Variants in PKHD1 observed in about 807,000 individuals in gnomAD.
PKHD1 encodes PKHD1 ciliary IPT domain containing fibrocystin/polyductin, also known as fibrocystin.
PKHD1 carries 291 observed loss-of-function variants against 412.0 expected under a neutral mutation model. The ratio of observed to expected loss-of-function variants is 0.71; its 90% CI spans 0.64 to 0.78. The LOEUF is 0.78. Ranked by LOEUF, PKHD1 falls within the 30% of genes least tolerant of loss-of-function variation. The pLI is 0.00. For missense variants in PKHD1, 4,825 were observed against 4,950.7 expected, an observed-to-expected ratio of 0.97 and a Z score of 0.76; for synonymous variants, 1,777 against 1,821.5, an observed-to-expected ratio of 0.98 and a Z score of 0.62.
At chr6:51,805,178 C>T (rs1335273028) in intron 52 of PKHD1, among the ~76,000 whole-genome samples, 1 of 152,174 alleles carries the variant, frequency 6.6e-6, no homozygotes, top group South Asian at 2.1e-4. Flanking sequence ...TACACATATG[C>T]CATGGAACAC....
At chr6:52,005,832 T>C (rs1245054152) in intron 35 of PKHD1, among the ~76,000 whole-genome samples, 2 of 151,868 alleles carry the variant, frequency 1.3e-5, no homozygotes, top group Admixed American at 6.6e-5. Flanking sequence ...TAGGAAAACC[T>C]ACGTAACTTT....
chr6:52,043,698 A>G lies in PKHD1; in HGVS notation c.2748T>C (p.His916=), dbSNP rs763183549. ...VVVRVNDVPA[H]CPGSCSFQYL... ...ACTGGAAAGAGCAGGAACCTGGGCA[A>G]TGAGCTGGTACATCATTCACTCGCA... Residue 916 remains histidine (H), a synonymous_variant, in exon 26 of 67, where the codon CAT becomes CAC. Transcript: ENST00000371117. 6.2e-7 allele frequency: 1 copy of G among 1,613,592 alleles called. No individual in the cohort carries two copies. The highest frequency in any genetic ancestry group is 8.5e-7 in the Non-Finnish European group (1 of 1,179,570).
In PKHD1 at chr6:51,748,470, T is replaced by C. The variant is rs367678592; in HGVS notation, c.9146A>G (p.His3049Arg). Residue 3049 changes from histidine (H) to arginine (R), a missense_variant, in exon 58 of 67, where the codon CAT (histidine) becomes CGT (arginine). Physicochemically the swap from His to Arg is conservative, Grantham distance 29. Transcript: ENST00000371117. ...GGCCTGACCCTCTAAATCTATGCCA[T>C]GGCCAGCTGTGCCAAACACAATATT... ...NDNIVFGTAG[H>R]GIDLEGQAYT... is the part of the protein sequence containing the mutation. 19 of 1,614,022 alleles carry C rather than the reference T, an allele frequency of 1.2e-5. No individual in the cohort carries two copies. Among genetic ancestry groups the C allele is most frequent in the Non-Finnish European group, 1.5e-5 (18 of 1,179,944 alleles).
intron 39 of PKHD1, among the ~76,000 whole-genome samples, chr6:51,909,712 A>G (rs1042993972): frequency 2.6e-5 from 4 of 152,042 alleles, no homozygotes; most frequent in African/African-American, 9.7e-5. Flanking sequence ...CAAATCAATC[A>G]CCTTAATTAC....
At chr6:51,672,860 A>C (rs62461291) in intron 60 of PKHD1, among the ~76,000 whole-genome samples, 7,425 of 152,276 alleles carry the variant, frequency 0.049, 273 homozygotes, top group East Asian at 0.13. Flanking sequence ...TTATTCCTTG[A>C]AAGTATGGTA....
At chr6:52,007,747 G>A (rs2128110658) in intron 35 of PKHD1, among the ~76,000 whole-genome samples, 1 of 152,274 alleles carries the variant, frequency 6.6e-6, no homozygotes, top group Non-Finnish European at 1.5e-5. Context: ...ACCCTAACAA[G>A]AGTAGAATCT....
Position 52,046,008 on chromosome 6 carries a change from A to G in PKHD1, c.2588T>C (p.Ile863Thr). 1 of 1,611,902 alleles carries G rather than the reference A, an allele frequency of 6.2e-7. No homozygotes were observed. Among genetic ancestry groups the G allele is most frequent in the Non-Finnish European group, 8.5e-7 (1 of 1,178,058 alleles). Reference sequence around the variant, plus strand: ...TAGAAGGGATACTATACATACCCTGATAAAATTGGGCAAATCCCCAATCTG... The same window carrying G: ...TAGAAGGGATACTATACATACCCTGGTAAAATTGGGCAAATCCCCAATCTG... ...STQIGDLPNF[I>T]RVSDENLTGV... The change falls in exon 24 of 67, where the codon ATC (isoleucine) becomes ACC (threonine). Residue 863 changes from isoleucine (I) to threonine (T), a missense_variant. By Grantham distance (89) the Ile-to-Thr change is moderately conservative (BLOSUM62 -1). Transcript: ENST00000371117.
chr6:51,760,352 A>C (rs1582515350), intron 55 of PKHD1, among the ~76,000 whole-genome samples: 2 of 152,094 alleles, frequency 1.3e-5, no homozygotes, highest in East Asian at 3.9e-4. Context: ...ACAAAAATAT[A>C]TCTCTCCCCT....
chr6:51,834,540 T>C (rs141021751), intron 51 of PKHD1, among the ~76,000 whole-genome samples: 20 of 152,248 alleles, frequency 1.3e-4, no homozygotes, highest in Middle Eastern at 6.8e-3. Flanking sequence ...ATAGATGTGT[T>C]AACTCATTCA....
intron 60 of PKHD1, among the ~76,000 whole-genome samples, chr6:51,666,321 A>G (rs955515794): frequency 6.6e-6 from 1 of 152,188 alleles, no homozygotes; most frequent in African/African-American, 2.4e-5. Context: ...TATACTACCC[A>G]GCTTACCTCT....
chr6:52,024,681 G>A lies in PKHD1; in HGVS notation c.5129C>T (p.Pro1710Leu), dbSNP rs749294509. 4.9e-5 allele frequency: 79 copies of A among 1,614,034 alleles called. No homozygotes were observed. The highest frequency in any genetic ancestry group is 1.6e-4 in the Middle Eastern group (1 of 6,084). The change falls in exon 32 of 67, where the codon CCG (proline) becomes CTG (leucine). Residue 1710 changes from proline (P) to leucine (L), a missense_variant. Physicochemically the swap from Pro to Leu is moderately conservative, Grantham distance 98. Coordinates refer to ENST00000371117, the MANE Select transcript of PKHD1 (RefSeq NM_138694.4). Reference sequence around the variant, plus strand: ...GCCTCTGACGTGGTACTCCCCGGCCGGAAGGGAAGGGACCACGCACTGAAG... The same window carrying A: ...GCCTCTGACGTGGTACTCCCCGGCCAGAAGGGAAGGGACCACGCACTGAAG... ...TVLQCVVPSL[P>L]AGEYHVRGYD...
At chr6:51,655,989 G>A (rs1340962346) in intron 61 of PKHD1, among the ~76,000 whole-genome samples, 2 of 152,034 alleles carry the variant, frequency 1.3e-5, no homozygotes, top group Non-Finnish European at 1.5e-5. Flanking sequence ...CACTACTGGG[G>A]ATATACCCAA....
intron 53 of PKHD1, among the ~76,000 whole-genome samples, chr6:51,781,146 A>T (rs1791934273): frequency 6.6e-6 from 1 of 152,150 alleles, no homozygotes; most frequent in South Asian, 2.1e-4. Context: ...ACTATCATAT[A>T]AACCCAAGCT....
At chr6:52,057,848 A>G (rs1055188922) in intron 16 of PKHD1, among the ~76,000 whole-genome samples, 2 of 152,270 alleles carry the variant, frequency 1.3e-5, no homozygotes, top group Non-Finnish European at 2.9e-5. Flanking sequence ...CAAAAAGTGA[A>G]CAACAAAAAC....
chr6:51,964,690 T>C (rs980537155), intron 35 of PKHD1, among the ~76,000 whole-genome samples: 1 of 152,186 alleles, frequency 6.6e-6, no homozygotes, highest in Non-Finnish European at 1.5e-5. Context: ...ATGAAAAATC[T>C]TTAATAACTG....
intron 37 of PKHD1, among the ~76,000 whole-genome samples, chr6:51,916,706 T>C (rs190349572): frequency 2.6e-5 from 4 of 152,290 alleles, no homozygotes; most frequent in South Asian, 4.1e-4. Flanking sequence ...TCATTTCTGT[T>C]CATAGAACTA....
At chr6:51,683,752 T>C (rs1029617276) in intron 60 of PKHD1, among the ~76,000 whole-genome samples, 1 of 152,078 alleles carries the variant, frequency 6.6e-6, no homozygotes, top group Non-Finnish European at 1.5e-5. Context: ...CATTGTATAG[T>C]TGTGATATTG....
rs1197981811 is a variant in PKHD1 at position 52,025,059 on chromosome 6, C to G, written c.4751G>C (p.Ser1584Thr). 5 of 1,614,182 alleles carry G rather than the reference C, an allele frequency of 3.1e-6. No homozygotes were observed. Among genetic ancestry groups the G allele is most frequent in the Non-Finnish European group, 4.2e-6 (5 of 1,180,040 alleles). The change falls in exon 32 of 67, where the codon AGC becomes ACC. Residue 1584 changes from serine to threonine, a missense_variant. Transcript: ENST00000371117. Reference protein sequence around the residue: ...QVFHYFPKNFSLHGGSLLTIE... With the variant: ...QVFHYFPKNFTLHGGSLLTIE... ...GGTCAAGAGGCTTCCACCATGTAAGCTGAAATTCTTAGGAAAATAATGAAA... is the reference window on the plus strand; with the variant it reads ...GGTCAAGAGGCTTCCACCATGTAAGGTGAAATTCTTAGGAAAATAATGAAA...
At chr6:51,670,589 T>C (rs1395029955) in intron 60 of PKHD1, among the ~76,000 whole-genome samples, 29 of 151,828 alleles carry the variant, frequency 1.9e-4, no homozygotes, top group Admixed American at 1.9e-3. Flanking sequence ...ATCCTGTCAT[T>C]ATGATGTTAG....
Sources: gnomAD v4.1 joint callset for allele counts (sites outside exome capture counted in the v4.1 genomes callset) on GRCh38, gnomAD v4.1.1 for gene constraint, MANE v1.5 for transcripts, NCBI Gene and HGNC (gene_info 2026-07-23, HGNC 2026-07-21) for gene names.